The following SAMMSON variants were observed in gnomAD, a reference collection of about 807,000 sequenced individuals.
SAMMSON encodes the protein long intergenic non-protein coding RNA 1212.
chr3:70,202,899 A>T (rs919086699), intron 4 of SAMMSON, among the ~76,000 whole-genome samples: 1 of 152,076 alleles, frequency 6.6e-6, no homozygotes, highest in Non-Finnish European at 1.5e-5. Context: ...AAAAGGTGGC[A>T]ATCCAAGGAG....
At chr3:70,152,565 T>G (rs1001304059) in intron 4 of SAMMSON, among the ~76,000 whole-genome samples, 2 of 152,098 alleles carry the variant, frequency 1.3e-5, no homozygotes, top group Non-Finnish European at 2.9e-5. Context: ...AGGTGCTTTA[T>G]TATCTAACCC....
chr3:70,327,008 G>A (rs1049800711), intron 7 of SAMMSON, among the ~76,000 whole-genome samples: 5 of 152,072 alleles, frequency 3.3e-5, no homozygotes, highest in African/African-American at 1.2e-4. Context: ...ACAGGCATGT[G>A]CCACCACACC....
intron 4 of SAMMSON, among the ~76,000 whole-genome samples, chr3:70,129,947 T>C (rs991055707): frequency 1.3e-5 from 2 of 152,238 alleles, no homozygotes; most frequent in African/African-American, 2.4e-5. Flanking sequence ...ATGGTTACTA[T>C]ACTCGAGCAA....
At chr3:70,173,883 G>A (rs949080240) in intron 4 of SAMMSON, among the ~76,000 whole-genome samples, 3 of 151,626 alleles carry the variant, frequency 2.0e-5, no homozygotes, top group African/African-American at 7.3e-5. Context: ...TAAGTTGCAG[G>A]GAAATAATAT....
chr3:70,152,211 G>A (rs150689593), intron 4 of SAMMSON, among the ~76,000 whole-genome samples: 23 of 151,764 alleles, frequency 1.5e-4, no homozygotes, highest in African/African-American at 3.9e-4. Context: ...CTTGATTTGC[G>A]ATACCATGAA....
chr3:70,045,014 A>AT (rs1559779647), intron 3 of SAMMSON, among the ~76,000 whole-genome samples: 38 of 129,740 alleles, frequency 2.9e-4, no homozygotes, highest in African/African-American at 1.1e-3. Context: ...TTATATATAT[A>AT]TAATTAATTA....
intron 7 of SAMMSON, among the ~76,000 whole-genome samples, chr3:70,350,481 G>A (rs1250045847): frequency 2.0e-5 from 3 of 151,802 alleles, no homozygotes; most frequent in Non-Finnish European, 4.4e-5. Context: ...AATTATACTG[G>A]AAACATCATG....
chr3:70,189,130 C>G (rs1253036044), intron 4 of SAMMSON, among the ~76,000 whole-genome samples: 2 of 152,128 alleles, frequency 1.3e-5, no homozygotes, highest in Non-Finnish European at 2.9e-5. Flanking sequence ...GACCTCTATT[C>G]TCTTACTTTC....
chr3:70,236,004 A>C (rs1342226228), intron 4 of SAMMSON, among the ~76,000 whole-genome samples: 1 of 152,166 alleles, frequency 6.6e-6, no homozygotes, highest in Admixed American at 6.5e-5. Context: ...GTGCTTGAAA[A>C]AATACTAGCA....
intron 3 of SAMMSON, among the ~76,000 whole-genome samples, chr3:70,040,842 C>G (rs776888210): frequency 1.3e-5 from 2 of 152,076 alleles, no homozygotes; most frequent in Non-Finnish European, 2.9e-5. Flanking sequence ...GGATGCAAAT[C>G]AAAGTCTCTG....
chr3:70,231,287 G>T (rs1701557638), intron 4 of SAMMSON, among the ~76,000 whole-genome samples: 1 of 152,154 alleles, frequency 6.6e-6, no homozygotes, highest in Non-Finnish European at 1.5e-5. Context: ...CGCTTAAGAC[G>T]ACGCTCCTGC....
At chr3:70,322,849 T>C (rs1702547551) in intron 7 of SAMMSON, among the ~76,000 whole-genome samples, 1 of 152,126 alleles carries the variant, frequency 6.6e-6, no homozygotes, top group Admixed American at 6.6e-5. Flanking sequence ...CCCTAAATTA[T>C]AAAATTAGTA....
chr3:70,026,780 G>T (rs1423977689), intron 3 of SAMMSON, among the ~76,000 whole-genome samples: 1 of 152,174 alleles, frequency 6.6e-6, no homozygotes, highest in South Asian at 2.1e-4. Flanking sequence ...AACCTACTTG[G>T]TGGAAATATA....
chr3:70,343,673 A>AT (rs1467727753), intron 7 of SAMMSON, among the ~76,000 whole-genome samples: 1 of 151,752 alleles, frequency 6.6e-6, no homozygotes, highest in Non-Finnish European at 1.5e-5. Flanking sequence ...TAAAATTATT[A>AT]TTTTTTCCTT....
intron 4 of SAMMSON, among the ~76,000 whole-genome samples, chr3:70,139,394 G>T (rs376677693): frequency 5.9e-5 from 9 of 152,106 alleles, no homozygotes; most frequent in African/African-American, 2.2e-4. Context: ...TGGGACAGTG[G>T]TCCTGTCTTC....
chr3:70,316,506 A>G (rs1702495394), intron 7 of SAMMSON, among the ~76,000 whole-genome samples: 1 of 152,106 alleles, frequency 6.6e-6, no homozygotes, highest in Non-Finnish European at 1.5e-5. Flanking sequence ...TTTCTGCTAC[A>G]GAATGGAATC....
intron 4 of SAMMSON, among the ~76,000 whole-genome samples, chr3:70,153,779 C>T (rs1041185860): frequency 1.3e-5 from 2 of 151,896 alleles, no homozygotes; most frequent in East Asian, 1.9e-4. Flanking sequence ...TGTTGTGCAG[C>T]CATCACCAAC....
chr3:70,204,110 C>T (rs1282443004), intron 4 of SAMMSON, among the ~76,000 whole-genome samples: 1 of 152,118 alleles, frequency 6.6e-6, no homozygotes, highest in African/African-American at 2.4e-5. Context: ...CTTTTCCATC[C>T]TGTTTTAAGT....
At chr3:70,258,020 A>G (rs1366470920) in intron 6 of SAMMSON, among the ~76,000 whole-genome samples, 1 of 152,226 alleles carries the variant, frequency 6.6e-6, no homozygotes, top group East Asian at 1.9e-4. Context: ...AAGGTAATTA[A>G]ATGGGGGAAA....
Sources: gnomAD v4.1 joint callset for allele counts (sites outside exome capture counted in the v4.1 genomes callset) on GRCh38, gnomAD v4.1.1 for gene constraint, MANE v1.5 for transcripts, NCBI Gene and HGNC (gene_info 2026-07-23, HGNC 2026-07-21) for gene names.